Variants in SUCLG2 observed in about 807,000 individuals in gnomAD.
SUCLG2 encodes succinate--CoA ligase [GDP-forming] subunit beta, mitochondrial.
In SUCLG2, 42 loss-of-function variants were observed where a neutral mutation model predicts 47.9. That is an observed-to-expected ratio of 0.88 (90% CI 0.69 to 1.14). The LOEUF is 1.14. Among genes scored for constraint, SUCLG2 ranks in the 50% most tolerant of loss-of-function variants. The pLI, the probability that SUCLG2 is intolerant of heterozygous loss-of-function variation, is 0.00. For missense variants in SUCLG2, 571 were observed against 525.9 expected, an observed-to-expected ratio of 1.09 and a Z score of -0.84; for synonymous variants, 195 against 197.3, an observed-to-expected ratio of 0.99 and a Z score of 0.10.
intron 2 of SUCLG2, among the ~76,000 whole-genome samples, chr3:67,574,452 G>T (rs1042368788): frequency 3.9e-5 from 6 of 152,178 alleles, no homozygotes; most frequent in African/African-American, 1.4e-4. Flanking sequence ...TTTTGGCAAA[G>T]GTGCCAAGGC....
At chr3:67,362,144 G>A (rs1281064282) in intron 10 of SUCLG2, among the ~76,000 whole-genome samples, 5 of 152,146 alleles carry the variant, frequency 3.3e-5, no homozygotes, top group African/African-American at 4.8e-5. Flanking sequence ...CAGCATTCTT[G>A]TGGCTATCAA....
chr3:67,536,374 T>C (rs922600632), intron 2 of SUCLG2, among the ~76,000 whole-genome samples: 5 of 152,254 alleles, frequency 3.3e-5, no homozygotes, highest in African/African-American at 1.2e-4. Flanking sequence ...TTATTTTCTG[T>C]TATTTAAATC....
chr3:67,652,520 G>A (rs1701305772), intron 1 of SUCLG2, among the ~76,000 whole-genome samples: 1 of 152,142 alleles, frequency 6.6e-6, no homozygotes, highest in Admixed American at 6.5e-5. Context: ...ATCATAGGAA[G>A]CACCCAAGAA....
intron 9 of SUCLG2, among the ~76,000 whole-genome samples, chr3:67,440,420 G>C (rs973539299): frequency 2.6e-5 from 4 of 152,042 alleles, no homozygotes; most frequent in South Asian, 2.1e-4. Flanking sequence ...CACAGAAAAA[G>C]AAATTATCAC....
chr3:67,471,054 G>A (rs1362778648), intron 9 of SUCLG2, among the ~76,000 whole-genome samples: 1 of 152,162 alleles, frequency 6.6e-6, no homozygotes, highest in Non-Finnish European at 1.5e-5. Context: ...AGAAAAACTT[G>A]GAGAAGATAG....
intron 2 of SUCLG2, among the ~76,000 whole-genome samples, chr3:67,550,330 CCTTT>C (rs1400587698): frequency 6.6e-6 from 1 of 152,102 alleles, no homozygotes; most frequent in African/African-American, 2.4e-5. Context: ...AACACATCTT[CCTTT>C]TTTTTGTTTT....
chr3:67,449,438 G>C (rs1413086788), intron 9 of SUCLG2, among the ~76,000 whole-genome samples: 1 of 152,060 alleles, frequency 6.6e-6, no homozygotes, highest in Non-Finnish European at 1.5e-5. Context: ...GTCATACAAA[G>C]AGCAGAGGGT....
At chr3:67,542,005 C>G (rs1706727834) in intron 2 of SUCLG2, among the ~76,000 whole-genome samples, 1 of 151,834 alleles carries the variant, frequency 6.6e-6, no homozygotes, top group African/African-American at 2.4e-5. Context: ...AGTAGCTGAG[C>G]TGGGATTACA....
At chr3:67,474,596 G>A (rs1490405052) in intron 9 of SUCLG2, among the ~76,000 whole-genome samples, 2 of 152,182 alleles carry the variant, frequency 1.3e-5, no homozygotes, top group South Asian at 2.1e-4. Context: ...AAGGGCTCAT[G>A]TAATTCTAAA....
rs759213050 is a variant in SUCLG2 at position 67,423,433 on chromosome 3, C to T, written c.1063-22582G>A. Among the ~76,000 whole-genome samples, 62 of 152,102 alleles carry T rather than the reference C, an allele frequency of 4.1e-4. 1 individual carries two copies. The highest frequency in any genetic ancestry group is 7.1e-4 in the Non-Finnish European group (48 of 68,014). The stretch of plus-strand genomic sequence containing the variant: ...CACCTAGGAATAATTTTATGCATTT[C>T]CATAAAATGCATGTTTGTAATGTTT... On this transcript the variant is annotated intron_variant, in intron 9 of 10. Transcript: ENST00000307227.
At position 67,646,054 on chromosome 3, in the gene SUCLG2, T is replaced by C. The variant is rs1359028541; in HGVS notation, c.84+8449A>G. Among the ~76,000 whole-genome samples the C allele has an allele frequency of 2.5e-5, 3 of 118,470 alleles. No homozygotes were observed. In the East Asian group the frequency reaches 8.3e-4, roughly 33 times the overall value. The allele number at this position is 118,470 out of a possible 152,430, so 77.7% of individuals were successfully genotyped here. A position where few individuals can be genotyped will look rare whatever the true frequency, so the allele number is the denominator to read the frequency against. ...ATGCTGTGGGCAAGCCAATCAATGC[T>C]GTGGGCACGGGGAAGGGAGGGGAAT... is the stretch of plus-strand genomic sequence containing the variant. On this transcript the variant is annotated intron_variant, in intron 1 of 10. Transcript: ENST00000307227.
At chr3:67,395,342 T>G (rs1246246293) in intron 10 of SUCLG2, among the ~76,000 whole-genome samples, 1 of 151,668 alleles carries the variant, frequency 6.6e-6, no homozygotes, top group African/African-American at 2.4e-5. Context: ...ACCAAGCAAA[T>G]GGAAAACAGA....
chr3:67,434,407 G>C (rs1185457389), intron 9 of SUCLG2, among the ~76,000 whole-genome samples: 2 of 152,122 alleles, frequency 1.3e-5, no homozygotes, highest in African/African-American at 4.8e-5. Flanking sequence ...CATATCTGTA[G>C]TCCCAGCTAC....
intron 9 of SUCLG2, among the ~76,000 whole-genome samples, chr3:67,492,152 T>G (rs1705223535): frequency 6.6e-6 from 1 of 152,204 alleles, no homozygotes; most frequent in Non-Finnish European, 1.5e-5. Context: ...ATGAGGTGCC[T>G]TTACTAATGC....
intron 2 of SUCLG2, among the ~76,000 whole-genome samples, chr3:67,589,679 C>T (rs1467445835): frequency 1.3e-5 from 2 of 152,204 alleles, no homozygotes; most frequent in Non-Finnish European, 2.9e-5. Context: ...GAAGCATCTG[C>T]TGTCCTCTAA....
chr3:67,599,346 GA>G (rs1318763866), intron 2 of SUCLG2, among the ~76,000 whole-genome samples: 1 of 152,304 alleles, frequency 6.6e-6, no homozygotes, highest in East Asian at 1.9e-4. Context: ...CAGGCATAAA[GA>G]GAGGACAATG....
intron 4 of SUCLG2, 33 bp from the exon 5 acceptor site, chr3:67,520,667 AG>A (rs780340065): frequency 6.3e-7 from 1 of 1,576,556 alleles, no homozygotes. Context: ...AAATTAATTC[AG>A]CATTAAGCTG....
chr3:67,568,811 C>T (rs943054366), intron 2 of SUCLG2, among the ~76,000 whole-genome samples: 2 of 152,000 alleles, frequency 1.3e-5, no homozygotes, highest in African/African-American at 4.8e-5. Context: ...GGCGTGAACC[C>T]GGGAGGCGGA....
intron 9 of SUCLG2, among the ~76,000 whole-genome samples, chr3:67,491,397 T>C (rs1408220983): frequency 7.0e-6 from 1 of 143,842 alleles, no homozygotes; most frequent in African/African-American, 2.7e-5. Flanking sequence ...GAAGTCTCGC[T>C]CTTGTCTCCC....
Sources: allele counts gnomAD v4.1 joint callset (sites outside exome capture counted in the v4.1 genomes callset), GRCh38; gene constraint gnomAD v4.1.1; transcripts MANE v1.5; gene names NCBI Gene and HGNC (gene_info 2026-07-23, HGNC 2026-07-21).